PLPP3: variants seen among roughly 807,000 people sequenced by gnomAD.
The protein encoded by PLPP3 is phospholipid phosphatase 3, also known as PAP2 beta.
PLPP3 carries 6 observed loss-of-function variants against 29.6 expected under a neutral mutation model. The ratio of observed to expected loss-of-function variants is 0.20; its 90% CI spans 0.11 to 0.40. The LOEUF (loss-of-function observed/expected upper bound fraction) is 0.40. Among genes scored for constraint, PLPP3 ranks in the 10% least tolerant of loss-of-function variants. The pLI is 1.00. For missense variants in PLPP3, 308 were observed against 407.7 expected (o/e 0.76, Z 2.11); for synonymous variants, 152 against 159.7 (o/e 0.95, Z 0.36).
intron 5 of PLPP3, among the ~76,000 whole-genome samples, chr1:56,510,095 A>AT (rs1645730174): frequency 3.3e-5 from 5 of 152,084 alleles, no homozygotes; most frequent in Admixed American, 3.3e-4. Context: ...CAACCTTTTA[A>AT]TTTTTTTAAC....
At chr1:56,516,862 T>G (rs60354691) in intron 4 of PLPP3, 3 of 152,124 alleles carry the variant, frequency 2.0e-5, no homozygotes, top group Admixed American at 1.3e-4. Flanking sequence ...AAATGATGTA[T>G]GTAAGGCCCT....
intron 5 of PLPP3, among the ~76,000 whole-genome samples, chr1:56,508,889 C>T (rs1248185751): frequency 3.3e-5 from 5 of 152,214 alleles, no homozygotes; most frequent in African/African-American, 1.2e-4. Context: ...TTGCTTCTGT[C>T]TCCCTCACAA....
chr1:56,578,827 C>T (rs1646256261), intron 1 of PLPP3, 51 bp downstream of exon 1: 4 of 1,479,378 alleles, frequency 2.7e-6, no homozygotes, highest in African/African-American at 2.9e-5. Context: ...CTGGGACGCG[C>T]GCCGAGGGAC....
chr1:56,522,980 T>A (rs1310084768), intron 4 of PLPP3, among the ~76,000 whole-genome samples: 1 of 152,146 alleles, frequency 6.6e-6, no homozygotes, highest in Non-Finnish European at 1.5e-5. Flanking sequence ...GCACTTCACC[T>A]GCATTACCCA....
chr1:56,569,469 GC>G (rs1210271153), intron 1 of PLPP3, among the ~76,000 whole-genome samples: 5 of 152,250 alleles, frequency 3.3e-5, no homozygotes, highest in African/African-American at 1.2e-4. Flanking sequence ...ACTGCACCCA[GC>G]CGCCTTTAGA....
chr1:56,522,433 T>C (rs1277248375), intron 4 of PLPP3, among the ~76,000 whole-genome samples: 1 of 152,224 alleles, frequency 6.6e-6, no homozygotes, highest in Non-Finnish European at 1.5e-5. Context: ...TTTAAAATTG[T>C]TTCCAGCCCT....
At chr1:56,517,485 T>C (rs1473982670) in intron 4 of PLPP3, among the ~76,000 whole-genome samples, 2 of 152,246 alleles carry the variant, frequency 1.3e-5, no homozygotes, top group Admixed American at 6.5e-5. Context: ...AGTAGTGCTT[T>C]AAATTACATT....
intron 5 of PLPP3, among the ~76,000 whole-genome samples, chr1:56,504,630 C>A (rs890775186): frequency 1.3e-5 from 2 of 152,170 alleles, no homozygotes; most frequent in African/African-American, 4.8e-5. Context: ...TCTAGGGTCA[C>A]AAAACATATC....
intron 5 of PLPP3, among the ~76,000 whole-genome samples, chr1:56,505,583 A>C (rs995737891): frequency 1.3e-5 from 2 of 152,232 alleles, no homozygotes; most frequent in Non-Finnish European, 2.9e-5. Context: ...AACAACCAGC[A>C]TGAAGACTTT....
intron 1 of PLPP3, among the ~76,000 whole-genome samples, chr1:56,561,986 G>T (rs1646132486): frequency 8.6e-6 from 1 of 116,922 alleles, no homozygotes; most frequent in South Asian, 3.0e-4. Context: ...AGTGAGCCAA[G>T]ATCGTACCAT....
intron 1 of PLPP3, among the ~76,000 whole-genome samples, chr1:56,570,943 C>G (rs1320283247): frequency 6.6e-6 from 1 of 152,184 alleles, no homozygotes; most frequent in Non-Finnish European, 1.5e-5. Flanking sequence ...TAGTCCTTCA[C>G]ATTTGTCCCA....
At chr1:56,536,666 C>T (rs566379677) in intron 2 of PLPP3, among the ~76,000 whole-genome samples, 5 of 152,178 alleles carry the variant, frequency 3.3e-5, no homozygotes, top group Admixed American at 6.5e-5. Context: ...TGTAAGTCTG[C>T]GAGATGGAAA....
intron 1 of PLPP3, among the ~76,000 whole-genome samples, chr1:56,555,209 C>G (rs1332643096): frequency 6.6e-6 from 1 of 151,846 alleles, no homozygotes; most frequent in Non-Finnish European, 1.5e-5. Flanking sequence ...TTCCACTCCT[C>G]CATCATGGAA....
At chr1:56,498,667 T>C (rs1189055695) in intron 5 of PLPP3, among the ~76,000 whole-genome samples, 1 of 151,730 alleles carries the variant, frequency 6.6e-6, no homozygotes, top group African/African-American at 2.4e-5. Flanking sequence ...GGAGTCTCAT[T>C]CTGTCACCCA....
At chr1:56,523,934 A>C in intron 3 of PLPP3, 54 bp from the exon 4 acceptor site, 1 of 1,572,748 alleles carries the variant, frequency 6.4e-7, no homozygotes, top group Non-Finnish European at 8.7e-7. Context: ...CCTGATACAC[A>C]CTTGTCTGTC....
intron 5 of PLPP3, among the ~76,000 whole-genome samples, chr1:56,503,168 G>A (rs1325643249): frequency 6.6e-6 from 1 of 152,020 alleles, no homozygotes; most frequent in African/African-American, 2.4e-5. Context: ...TTTTGGCACT[G>A]GGAATTTGTG....
At chr1:56,516,568 A>T (rs1030458124) in intron 4 of PLPP3, among the ~76,000 whole-genome samples, 1 of 152,136 alleles carries the variant, frequency 6.6e-6, no homozygotes, top group Non-Finnish European at 1.5e-5. Context: ...TACTGCTGAC[A>T]TTCTGGCTTA....
Position 56,537,047 on chromosome 1 carries a change from T to C in PLPP3, c.205A>G (p.Asn69Asp). The change falls in exon 2 of 6, where the codon AAT becomes GAT. Residue 69 changes from asparagine (N) to aspartate (D), a missense_variant. Asn to Asp is a conservative substitution (Grantham distance 23). This residue lies in a region of PLPP3 where 232 missense variants were observed against 317.2 expected (regional missense o/e 0.73). Transcript: ENST00000371250. The stretch of plus-strand genomic sequence containing the variant: ...AGTGGGTACTTGATGCTCTCATCAT[T>C]GCAGTAAAACCCTCGGTGGTAAGGC... The part of the protein sequence containing the change: ...IKPYHRGFYC[N>D]DESIKYPLKT... 1.9e-6 allele frequency: 3 copies of C among 1,613,754 alleles called. No homozygotes were observed. The highest frequency in any genetic ancestry group is 4.5e-5 in the East Asian group (2 of 44,848).
intron 2 of PLPP3, among the ~76,000 whole-genome samples, chr1:56,528,168 C>T (rs1645864526): frequency 1.3e-5 from 2 of 152,176 alleles, no homozygotes; most frequent in Non-Finnish European, 2.9e-5. Context: ...TCTCCCCTAC[C>T]TGCCTTTTAA....
Sources: gnomAD v4.1 joint callset for allele counts (sites outside exome capture counted in the v4.1 genomes callset) on GRCh38, gnomAD v4.1.1 for gene constraint, gnomAD v4.1.1 regional missense constraint, MANE v1.5 for transcripts, NCBI Gene and HGNC (gene_info 2026-07-23, HGNC 2026-07-21) for gene names.